The following TP73 variants were observed in gnomAD, a reference collection of about 807,000 sequenced individuals.
TP73 encodes the protein p53-like transcription factor.
In TP73, 25 loss-of-function variants were observed where a neutral mutation model predicts 62.5. That is an observed-to-expected ratio of 0.40 (90% CI 0.29 to 0.56). The LOEUF (loss-of-function observed/expected upper bound fraction) is 0.56. Ranked by LOEUF, TP73 falls within the 20% of genes least tolerant of loss-of-function variation. The pLI is 0.46. For missense variants in TP73, 754 were observed against 913.3 expected, an observed-to-expected ratio of 0.83 and a Z score of 2.25; for synonymous variants, 423 against 377.5, an observed-to-expected ratio of 1.12 and a Z score of -1.40.
At position 3,693,445 on chromosome 1, in the gene TP73, G is replaced by C. The variant is rs550906903; in HGVS notation, c.186+10265G>C. On this transcript the variant is annotated intron_variant, in intron 3 of 13. Coordinates refer to ENST00000378295, the MANE Select transcript of TP73 (RefSeq NM_005427.4). ...ACTGTCTGAGCCCCCAGCTGGGCCCGCCAATTGCCCCCAGCCTGGCACAGG... is the reference window on the plus strand; with the variant it reads ...ACTGTCTGAGCCCCCAGCTGGGCCCCCCAATTGCCCCCAGCCTGGCACAGG... Among the ~76,000 whole-genome samples, 3 of 152,256 alleles carry C rather than the reference G, an allele frequency of 2.0e-5. No homozygotes were observed. The East Asian group carries it at 5.8e-4, about 29-fold the overall frequency.
intron 1 of TP73, among the ~76,000 whole-genome samples, chr1:3,674,865 G>A (rs1330819381): frequency 6.6e-6 from 1 of 152,226 alleles, no homozygotes; most frequent in Non-Finnish European, 1.5e-5. Context: ...CACAGGGCCA[G>A]CCTGCCTGGC....
intron 1 of TP73, among the ~76,000 whole-genome samples, chr1:3,674,917 G>T (rs908091685): frequency 6.6e-6 from 1 of 152,188 alleles, no homozygotes; most frequent in Non-Finnish European, 1.5e-5. Context: ...CTGCCCAGGC[G>T]GGGGCTCTTC....
chr1:3,669,616 C>G (rs1645196125), intron 1 of TP73, among the ~76,000 whole-genome samples: 1 of 152,246 alleles, frequency 6.6e-6, no homozygotes, highest in African/African-American at 2.4e-5. Flanking sequence ...TCCCCAGCCC[C>G]CTCACTCTTT....
chr1:3,652,820 G>C (rs572450986), intron 1 of TP73, 179 bp downstream of exon 1: 2 of 152,422 alleles, frequency 1.3e-5, no homozygotes, highest in African/African-American at 4.8e-5. Flanking sequence ...CCTGGGACTT[G>C]GCGCTCGCGA....
rs1282524848 is a variant in TP73 at position 3,670,712 on chromosome 1, AG to A, written c.-33-11620del. 3.9e-5 allele frequency among the ~76,000 whole-genome samples: 6 copies of A among 152,148 alleles called. No individual in the cohort carries two copies. Among genetic ancestry groups the A allele is most frequent in the Admixed American group, 3.9e-4 (6 of 15,274 alleles). On this transcript the variant is annotated intron_variant, in intron 1 of 13. Coordinates refer to ENST00000378295, the MANE Select transcript of TP73 (RefSeq NM_005427.4). This position sits in a 1 kb window ranked among gnomAD's most constrained non-coding sequence, Gnocchi z 5.9. ...AAAAGATAGGAAAAGAAAAAGAAAA[AG>A]TGAGGAGAAATGAGGAGGAAGTCGA...
intron 3 of TP73, among the ~76,000 whole-genome samples, chr1:3,697,695 A>G (rs1638793286): frequency 6.6e-6 from 1 of 152,210 alleles, no homozygotes; most frequent in African/African-American, 2.4e-5. Flanking sequence ...GGGTGTGAAG[A>G]GGAGACCTGC....
At chr1:3,679,441 C>T (rs1432433335) in intron 1 of TP73, among the ~76,000 whole-genome samples, 1 of 152,072 alleles carries the variant, frequency 6.6e-6, no homozygotes, top group Non-Finnish European at 1.5e-5. Context: ...CCCTCTGTTT[C>T]TCTGTCTGTC....
intron 4 of TP73, chr1:3,712,133 A>G (rs897119616): frequency 2.6e-5 from 4 of 152,170 alleles, no homozygotes; most frequent in African/African-American, 7.2e-5. Context: ...AAGTTTATGG[A>G]ATGCATGAGT....
At chr1:3,691,010 G>A (rs1466023776) in intron 3 of TP73, 4 of 1,545,902 alleles carry the variant, frequency 2.6e-6, no homozygotes, top group Admixed American at 3.9e-5. Context: ...CTGCAGTGTA[G>A]GGTTCAGAGG....
chr1:3,696,709 C>A lies in TP73; in HGVS notation c.187-10840C>A, dbSNP rs1557526241. The stretch of plus-strand genomic sequence containing the variant: ...GGGAATGGCTCATGGGATTGCTGAG[C>A]ATGGCCAAGGGAGCCCTCAGCATCC... On this transcript the variant is annotated intron_variant, in intron 3 of 13. Transcript: ENST00000378295. This position sits in a 1 kb window ranked among gnomAD's most constrained non-coding sequence, Gnocchi z 4.1. Among the ~76,000 whole-genome samples, 1 of 152,072 alleles carries A rather than the reference C, an allele frequency of 6.6e-6. No individual in the cohort carries two copies. Among genetic ancestry groups the A allele is most frequent in the East Asian group, 1.9e-4 (1 of 5,174 alleles).
rs1186188722 is a variant in TP73, at chr1:3,706,419, G to T, written c.187-1130G>T. 1.0e-3 allele frequency among the ~76,000 whole-genome samples: 139 copies of T among 139,046 alleles called. 1 individual carries two copies. The highest frequency in any genetic ancestry group is 3.7e-3 in the African/African-American group (131 of 35,218). 91.2% of individuals were successfully genotyped at this position (139,046 alleles called of 152,430 possible). A position where few individuals can be genotyped will look rare whatever the true frequency, so the allele number is the denominator to read the frequency against. On this transcript the variant is annotated intron_variant, in intron 3 of 13. Transcript: ENST00000378295. The stretch of plus-strand genomic sequence containing the variant: ...CAATCACGGTGCCCGCCGCAGGCCC[G>T]GGGAGGGGGGTAATAGGGACAATCA...
At position 3,701,272 on chromosome 1, in the gene TP73, C is replaced by CGTAGT. The variant is rs1639146064; in HGVS notation, c.187-6275_187-6271dup. Among the ~76,000 whole-genome samples the CGTAGT allele has an allele frequency of 6.6e-6, 1 of 152,086 alleles. No homozygotes were observed. The highest frequency in any genetic ancestry group is 2.1e-4 in the South Asian group (1 of 4,814). The stretch of plus-strand genomic sequence containing the variant: ...CCCAGGGCTTAGCGACTGTCCTCTG[C>CGTAGT]GTAGTGAATCTGGATTCCCGTCCCT... On this transcript the variant is annotated intron_variant, in intron 3 of 13. Transcript: ENST00000378295. The surrounding 1 kb of genome is among the most constrained non-coding windows in gnomAD (Gnocchi z 4.7).
In TP73 at chr1:3,701,029, G is replaced by T. The variant is rs1639120646; in HGVS notation, c.187-6520G>T. 6.6e-6 allele frequency among the ~76,000 whole-genome samples: 1 copy of T among 152,230 alleles called. No individual in the cohort carries two copies. The highest frequency in any genetic ancestry group is 1.9e-4 in the East Asian group (1 of 5,194). On this transcript the variant is annotated intron_variant, in intron 3 of 13. Transcript: ENST00000378295. The surrounding 1 kb of genome is among the most constrained non-coding windows in gnomAD (Gnocchi z 4.7). ...AGCCTGGACCCTGGGCACTGTCTGGGCTTGGGGCTGTGGCCGACATGGCGG... is the reference window on the plus strand; with the variant it reads ...AGCCTGGACCCTGGGCACTGTCTGGTCTTGGGGCTGTGGCCGACATGGCGG...
chr1:3,692,501 T>G (rs1348828573), intron 3 of TP73, among the ~76,000 whole-genome samples: 1 of 152,198 alleles, frequency 6.6e-6, no homozygotes, highest in Non-Finnish European at 1.5e-5. Flanking sequence ...CACCCACTTG[T>G]GCATTGATAC....
chr1:3,706,373 C>T (rs1160331197), intron 3 of TP73, among the ~76,000 whole-genome samples: 3 of 145,724 alleles, frequency 2.1e-5, no homozygotes, highest in African/African-American at 5.2e-5. Flanking sequence ...GCCGCAGGCC[C>T]GGGGAGGGGG....
intron 1 of TP73, among the ~76,000 whole-genome samples, chr1:3,671,756 T>C (rs1332300266): frequency 6.6e-6 from 1 of 152,156 alleles, no homozygotes; most frequent in African/African-American, 2.4e-5. Context: ...CAGGGAATGC[T>C]GGGCAGCAAT....
rs925740726 is a variant in TP73, at chr1:3,672,470, C to G, written c.-33-9863C>G. ...GAGGCTGTGGCAGCTCCAGCGAAGG[C>G]GGCTGCGGCCCCATCAGTCACCTGC... is the stretch of plus-strand genomic sequence containing the variant. On this transcript the variant is annotated intron_variant, in intron 1 of 13. Coordinates refer to ENST00000378295, the MANE Select transcript of TP73 (RefSeq NM_005427.4). The surrounding 1 kb of genome is among the most constrained non-coding windows in gnomAD (Gnocchi z 5.3). Among the ~76,000 whole-genome samples the G allele has an allele frequency of 6.6e-6, 1 of 152,150 alleles. No homozygotes were observed. Among genetic ancestry groups the G allele is most frequent in the African/African-American group, 2.4e-5 (1 of 41,502 alleles).
At chr1:3,680,049 A>C (rs1434552205) in intron 1 of TP73, among the ~76,000 whole-genome samples, 8 of 132,046 alleles carry the variant, frequency 6.1e-5, no homozygotes, top group East Asian at 2.4e-4. Flanking sequence ...TCCTGTCTCT[A>C]TCCCTGTCTC....
chr1:3,725,589 G>T lies in TP73; in HGVS notation c.733-1526G>T, dbSNP rs34178965. Among the ~76,000 whole-genome samples, 236 of 94,066 alleles carry T rather than the reference G, an allele frequency of 2.5e-3. 5 individuals carry two copies. Among genetic ancestry groups the T allele is most frequent in the Middle Eastern group, 6.7e-3 (1 of 150 alleles). The allele number at this position is 94,066 out of a possible 152,430, so 61.7% of individuals were successfully genotyped here. A position where few individuals can be genotyped will look rare whatever the true frequency, so the allele number is the denominator to read the frequency against. On this transcript the variant is annotated intron_variant, in intron 6 of 13. Coordinates refer to ENST00000378295, the MANE Select transcript of TP73 (RefSeq NM_005427.4). ...GGGTGAATGGATGGATGGGTGGGTG[G>T]GTGAATGGATGGTTGGGTAGAGGGA...
Sources: allele counts gnomAD v4.1 joint callset (sites outside exome capture counted in the v4.1 genomes callset), GRCh38; gene constraint gnomAD v4.1.1; non-coding constraint Gnocchi (gnomAD v3.1); transcripts MANE v1.5; gene names NCBI Gene and HGNC (gene_info 2026-07-23, HGNC 2026-07-21).